The following ROBO2 variants were observed in gnomAD, a reference collection of about 807,000 sequenced individuals.
The protein encoded by ROBO2 is roundabout guidance receptor 2, also known as roundabout homolog 2.
Under a neutral mutation model 160.8 loss-of-function variants are expected in ROBO2, and 53 were observed. That is an observed-to-expected ratio of 0.33 (90% CI 0.26 to 0.41). The LOEUF is 0.41. Among genes scored for constraint, ROBO2 ranks in the 10% least tolerant of loss-of-function variants. ROBO2 has a pLI of 1.00. For missense variants in ROBO2, 1,577 were observed against 1,722.4 expected, an observed-to-expected ratio of 0.92 and a Z score of 1.49; for synonymous variants, 664 against 611.7, an observed-to-expected ratio of 1.09 and a Z score of -1.26.
chr3:76,490,207 A>T (rs903383115), intron 2 of ROBO2, among the ~76,000 whole-genome samples: 2 of 152,166 alleles, frequency 1.3e-5, no homozygotes, highest in African/African-American at 2.4e-5. Context: ...TAAAGGATGG[A>T]TCCCCATCAC....
chr3:77,016,090 C>T (rs2062227023), intron 2 of ROBO2, among the ~76,000 whole-genome samples: 2 of 152,086 alleles, frequency 1.3e-5, no homozygotes, highest in Admixed American at 1.3e-4. Context: ...CATTCTCCTG[C>T]CTCAGCCTCC....
exon 6 of ROBO2, chr3:77,522,820 G>A: frequency 6.2e-7 from 1 of 1,609,566 alleles, no homozygotes; most frequent in Non-Finnish European, 8.5e-7. Flanking sequence ...AAAAGACCAT[G>A]AGTACAGATG....
intron 2 of ROBO2, among the ~76,000 whole-genome samples, chr3:76,945,370 A>C (rs1004213998): frequency 2.0e-5 from 3 of 152,260 alleles, no homozygotes; most frequent in African/African-American, 7.2e-5. Flanking sequence ...TTAGGAAATC[A>C]GAGTTGGAGC....
At chr3:76,701,325 A>T (rs1275883616) in intron 2 of ROBO2, among the ~76,000 whole-genome samples, 1 of 152,088 alleles carries the variant, frequency 6.6e-6, no homozygotes, top group African/African-American at 2.4e-5. Context: ...ATTTAATTCT[A>T]GTATATGTCA....
chr3:77,402,871 T>C (rs550932199), intron 2 of ROBO2, among the ~76,000 whole-genome samples: 1 of 152,176 alleles, frequency 6.6e-6, no homozygotes, highest in South Asian at 2.1e-4. Context: ...CTCTTACAAG[T>C]GTACTTTACT....
intron 5 of ROBO2, among the ~76,000 whole-genome samples, chr3:77,503,582 G>A (rs1688107987): frequency 6.6e-6 from 1 of 151,010 alleles, no homozygotes; most frequent in African/African-American, 2.4e-5. Context: ...AAGGCTATTT[G>A]GAGGAAAAAA....
intron 2 of ROBO2, among the ~76,000 whole-genome samples, chr3:77,119,832 G>A (rs1240548325): frequency 2.6e-5 from 4 of 152,116 alleles, no homozygotes; most frequent in Non-Finnish European, 4.4e-5. Context: ...AATTCACATC[G>A]ACATGTAATG....
At chr3:76,460,260 C>T (rs1422078989) in intron 2 of ROBO2, among the ~76,000 whole-genome samples, 1 of 151,748 alleles carries the variant, frequency 6.6e-6, no homozygotes, top group East Asian at 1.9e-4. Flanking sequence ...CTGAAAAATC[C>T]CATAAATAGT....
intron 2 of ROBO2, among the ~76,000 whole-genome samples, chr3:75,958,220 G>T (rs1230594189): frequency 1.3e-5 from 2 of 151,622 alleles, no homozygotes; most frequent in African/African-American, 4.8e-5. Context: ...AACTGCCTTG[G>T]CCAAACTCAA....
intron 2 of ROBO2, among the ~76,000 whole-genome samples, chr3:76,695,950 G>T (rs2107334515): frequency 6.6e-6 from 1 of 152,252 alleles, no homozygotes; most frequent in East Asian, 1.9e-4. Context: ...TGCTTTCCAT[G>T]AACTTACAAC....
chr3:77,099,764 C>G, intron 2 of ROBO2, among the ~76,000 whole-genome samples: 1 of 151,894 alleles, frequency 6.6e-6, no homozygotes, highest in East Asian at 1.9e-4. Flanking sequence ...ATATGACTGG[C>G]ATTATTCTCC....
intron 2 of ROBO2, among the ~76,000 whole-genome samples, chr3:76,998,856 G>A (rs2061179150): frequency 1.3e-5 from 2 of 152,130 alleles, no homozygotes; most frequent in Non-Finnish European, 2.9e-5. Context: ...GTGTAAGCCT[G>A]ATCATAGGAA....
intron 2 of ROBO2, among the ~76,000 whole-genome samples, chr3:77,153,879 A>G (rs979335858): frequency 3.3e-5 from 5 of 152,208 alleles, no homozygotes; most frequent in East Asian, 3.9e-4. Flanking sequence ...AATGTTTACT[A>G]TAACAAGACA....
chr3:77,440,867 C>T lies in ROBO2; in HGVS notation c.389-36547C>T, dbSNP rs563498895. Among the ~76,000 whole-genome samples, 7 of 152,150 alleles carry T rather than the reference C, an allele frequency of 4.6e-5. 1 individual carries two copies. The highest frequency in any genetic ancestry group is 4.6e-4 in the Admixed American group (7 of 15,284). On this transcript the variant is annotated intron_variant, in intron 2 of 25. Transcript: ENST00000461745. Reference sequence around the variant, plus strand: ...AGTCTCCAGGAATATTTGAGGGTTGCGGGTGGTGAGGACGGGAGGAGAGGA... The same window carrying T: ...AGTCTCCAGGAATATTTGAGGGTTGTGGGTGGTGAGGACGGGAGGAGAGGA...
intron 2 of ROBO2, among the ~76,000 whole-genome samples, chr3:77,207,248 A>G (rs1189701669): frequency 6.6e-6 from 1 of 152,188 alleles, no homozygotes; most frequent in Non-Finnish European, 1.5e-5. Context: ...AGTTTGGGAT[A>G]TGGGAGCATT....
chr3:77,476,391 TG>T (rs1430861764), intron 2 of ROBO2, among the ~76,000 whole-genome samples: 2 of 151,752 alleles, frequency 1.3e-5, no homozygotes, highest in African/African-American at 4.8e-5. Context: ...TGTGTGTGTG[TG>T]TGTGTGTGTG....
intron 2 of ROBO2, among the ~76,000 whole-genome samples, chr3:76,857,677 T>G (rs2070280167): frequency 6.6e-6 from 1 of 152,172 alleles, no homozygotes; most frequent in Non-Finnish European, 1.5e-5. Context: ...TTTTCTCTAC[T>G]TTACACACAT....
chr3:75,978,109 A>G (rs1290859005), intron 2 of ROBO2, among the ~76,000 whole-genome samples: 2 of 151,596 alleles, frequency 1.3e-5, no homozygotes, highest in Non-Finnish European at 3.0e-5. Flanking sequence ...AGTAGTTTTC[A>G]GTAGATATTA....
intron 2 of ROBO2, among the ~76,000 whole-genome samples, chr3:76,137,161 AG>A (rs1165002536): frequency 2.6e-5 from 4 of 152,042 alleles, no homozygotes; most frequent in Non-Finnish European, 5.9e-5. Flanking sequence ...ACTTGCTGGC[AG>A]GGCTTATGGC....
Sources: gnomAD v4.1 joint callset for allele counts (sites outside exome capture counted in the v4.1 genomes callset) on GRCh38, gnomAD v4.1.1 for gene constraint, MANE v1.5 for transcripts, NCBI Gene and HGNC (gene_info 2026-07-23, HGNC 2026-07-21) for gene names.